Variants in TBC1D15 observed in about 807,000 individuals in gnomAD.
TBC1D15 encodes the protein TBC1 domain family member 15, also known as GAP for RAB7.
A neutral mutation model predicts 95.4 loss-of-function variants in TBC1D15; 39 were observed. That is an observed-to-expected ratio of 0.41 (90% CI 0.32 to 0.53). The LOEUF (loss-of-function observed/expected upper bound fraction) is 0.53, where lower values mean the gene tolerates loss of function less well. TBC1D15 is among the 20% of genes least tolerant of loss of function. TBC1D15 has a pLI of 0.29. For synonymous variants in TBC1D15, 258 were observed against 261.3 expected, an observed-to-expected ratio of 0.99 and a Z score of 0.12; for missense variants, 733 against 794.3, an observed-to-expected ratio of 0.92 and a Z score of 0.93.
At chr12:71,918,079 G>A (rs535684948) in intron 13 of TBC1D15, among the ~76,000 whole-genome samples, 2 of 152,202 alleles carry the variant, frequency 1.3e-5, no homozygotes, top group East Asian at 1.9e-4. Context: ...TACTTGAGCC[G>A]AGGAGGTTGA....
At chr12:71,882,458 CT>C (rs1895396585) in intron 4 of TBC1D15, among the ~76,000 whole-genome samples, 1 of 152,120 alleles carries the variant, frequency 6.6e-6, no homozygotes, top group Non-Finnish European at 1.5e-5. Context: ...TTGTTCAGTT[CT>C]TCTGCTATTA....
chr12:71,861,587 T>A, intron 1 of TBC1D15: 1 of 1,221,704 alleles, frequency 8.2e-7, no homozygotes, highest in South Asian at 1.8e-5. Context: ...GTCTTTTCAC[T>A]TTTTTTCTTG....
rs143666838 is a variant in TBC1D15 at position 71,902,796 on chromosome 12, C to T, written c.1184-4226C>T. On this transcript the variant is annotated intron_variant, in intron 10 of 16. Transcript: ENST00000485960. ...ATCAACAGGGTAAACAGACAAGCTA[C>T]AGAATGGGGAAAACATTTGCAAAGT... Among the ~76,000 whole-genome samples, 832 of 152,286 alleles carry T rather than the reference C, an allele frequency of 5.5e-3. 7 individuals carry two copies. The highest frequency in any genetic ancestry group is 0.019 in the African/African-American group (808 of 41,560).
intron 3 of TBC1D15, among the ~76,000 whole-genome samples, chr12:71,878,661 A>AC (rs1343645404): frequency 2.7e-5 from 4 of 150,920 alleles, no homozygotes; most frequent in Non-Finnish European, 5.9e-5. Flanking sequence ...GATTACAGGC[A>AC]CCCCCCACCA....
At chr12:71,871,695 G>T (rs530521279) in intron 1 of TBC1D15, among the ~76,000 whole-genome samples, 7 of 152,220 alleles carry the variant, frequency 4.6e-5, no homozygotes, top group Non-Finnish European at 1.0e-4. Context: ...CTGGGCTCAA[G>T]CCCAGCCTCC....
chr12:71,920,770 C>G lies in TBC1D15; in HGVS notation c.1639C>G (p.Leu547Val). The part of the protein sequence containing the change: ...TELPCTNFHL[L>V]LCCAILESEK... ...ACTACCATGTACAAATTTCCATCTT[C>G]TTCTCTGTTGTGCTATTCTGGAATC... The change falls in exon 15 of 17, where the codon CTT (leucine) becomes GTT (valine). Residue 547 changes from leucine to valine, a missense_variant. Transcript: ENST00000485960. The G allele has an allele frequency of 6.2e-7, 1 of 1,612,904 alleles. No homozygotes were observed. The highest frequency in any genetic ancestry group is 8.5e-7 in the Non-Finnish European group (1 of 1,179,504).
chr12:71,915,448 T>TAAAAAA (rs1236554792), intron 12 of TBC1D15, among the ~76,000 whole-genome samples: 2 of 130,474 alleles, frequency 1.5e-5, no homozygotes, highest in African/African-American at 2.8e-5. Flanking sequence ...GTAGATATTC[T>TAAAAAA]AAAAAAAAAA....
At chr12:71,894,467 G>A (rs1476931648) in intron 6 of TBC1D15, 4 of 1,376,828 alleles carry the variant, frequency 2.9e-6, no homozygotes, top group East Asian at 2.3e-5. Flanking sequence ...GCATTAACTT[G>A]TCATTTATTA....
chr12:71,858,015 A>AT (rs1024638755), intron 1 of TBC1D15, among the ~76,000 whole-genome samples: 1 of 151,878 alleles, frequency 6.6e-6, no homozygotes, highest in African/African-American at 2.4e-5. Flanking sequence ...AAACGACAGG[A>AT]TTTTTTTCAT....
At chr12:71,911,367 C>G (rs1260468726) in intron 11 of TBC1D15, among the ~76,000 whole-genome samples, 1 of 151,878 alleles carries the variant, frequency 6.6e-6, no homozygotes, top group Non-Finnish European at 1.5e-5. Context: ...AGACTTGGAA[C>G]CAATCCAAAT....
chr12:71,913,283 C>G (rs754765251), intron 11 of TBC1D15: 1 of 152,324 alleles, frequency 6.6e-6, no homozygotes, highest in South Asian at 2.1e-4. Flanking sequence ...TTATGTGAAT[C>G]TAAAGGTCTG....
At chr12:71,881,785 C>T (rs996669661) in intron 4 of TBC1D15, among the ~76,000 whole-genome samples, 7 of 151,806 alleles carry the variant, frequency 4.6e-5, no homozygotes, top group South Asian at 2.1e-4. Flanking sequence ...GGCGTGGTGG[C>T]GCATGCCTGT....
chr12:71,882,192 G>A (rs1323675171), intron 4 of TBC1D15, among the ~76,000 whole-genome samples: 1 of 151,860 alleles, frequency 6.6e-6, no homozygotes, highest in Non-Finnish European at 1.5e-5. Context: ...TTTAAAAATT[G>A]ACTATCAGAC....
intron 14 of TBC1D15, 39 bp from the exon 15 acceptor site, chr12:71,920,692 T>C (rs1401477080): frequency 7.1e-7 from 1 of 1,411,762 alleles, no homozygotes; most frequent in African/African-American, 1.4e-5. Context: ...TGTTTTAGAA[T>C]TGATACAATT....
At chr12:71,885,858 A>T (rs768343168) in intron 5 of TBC1D15, among the ~76,000 whole-genome samples, 1 of 152,188 alleles carries the variant, frequency 6.6e-6, no homozygotes, top group African/African-American at 2.4e-5. Context: ...GATGTTTTAG[A>T]TGAAGGGAAG....
chr12:71,872,639 A>C (rs992710853), intron 2 of TBC1D15, among the ~76,000 whole-genome samples: 6 of 152,166 alleles, frequency 3.9e-5, no homozygotes, highest in African/African-American at 1.4e-4. Flanking sequence ...TCCTATTACA[A>C]AAAAATCCTG....
chr12:71,873,955 A>G (rs962757633), intron 3 of TBC1D15, among the ~76,000 whole-genome samples: 6 of 152,154 alleles, frequency 3.9e-5, no homozygotes, highest in African/African-American at 1.4e-4. Context: ...GTAGCCTCAG[A>G]CATTCCTTGG....
intron 1 of TBC1D15, among the ~76,000 whole-genome samples, chr12:71,859,493 AT>A (rs1454672282): frequency 6.6e-6 from 1 of 150,932 alleles, no homozygotes; most frequent in African/African-American, 2.4e-5. Context: ...GTGCTTTTGC[AT>A]TCTTCTCTGT....
At chr12:71,849,859 T>G in intron 1 of TBC1D15, 3 of 569,218 alleles carry the variant, frequency 5.3e-6, no homozygotes, top group East Asian at 4.4e-5. Flanking sequence ...TGGAGTTTGC[T>G]TCTGTCTATA....
Sources: allele counts gnomAD v4.1 joint callset (sites outside exome capture counted in the v4.1 genomes callset), GRCh38; gene constraint gnomAD v4.1.1; transcripts MANE v1.5; gene names NCBI Gene and HGNC (gene_info 2026-07-23, HGNC 2026-07-21).